CD164: variants seen among roughly 807,000 people sequenced by gnomAD.
CD164 encodes CD164 molecule.
Under a neutral mutation model 24.6 loss-of-function variants are expected in CD164, and 11 were observed. The ratio of observed to expected loss-of-function variants is 0.45; its 90% CI spans 0.28 to 0.74. CD164 has a LOEUF of 0.74. CD164 is among the 30% of genes least tolerant of loss of function. The pLI is 0.13. For missense variants in CD164, 295 were observed against 243.7 expected (o/e 1.21, Z -1.40); for synonymous variants, 126 against 100.3 (o/e 1.26, Z -1.53).
chr6:109,379,558 T>C (rs770355403), intron 2 of CD164, 21 bp downstream of exon 2: 6 of 1,549,370 alleles, frequency 3.9e-6, no homozygotes, highest in Non-Finnish European at 4.4e-6. Context: ...AAAACAGTTT[T>C]GCATCCCCAA....
chr6:109,376,037 C>G, intron 4 of CD164, 37 bp downstream of exon 4: 1 of 1,498,258 alleles, frequency 6.7e-7, no homozygotes. Context: ...CTTAAAAATA[C>G]TGAAGGAAAA....
At chr6:109,374,290 ATTCTAGGTATC>A (rs912173680) in intron 4 of CD164, among the ~76,000 whole-genome samples, 1 of 152,152 alleles carries the variant, frequency 6.6e-6, no homozygotes, top group Admixed American at 6.5e-5. Context: ...ACTTAAATGG[ATTCTAGGTATC>A]TTAAACTAAA....
chr6:109,381,686 G>A (rs955929325), intron 1 of CD164: 25 of 667,730 alleles, frequency 3.7e-5, no homozygotes, highest in Non-Finnish European at 6.5e-5. Flanking sequence ...TCAGACTCAA[G>A]TCTGAGACAC....
rs565623414 is a variant in CD164, at chr6:109,371,991, G to A, written c.371-1524C>T. On this transcript the variant is annotated intron_variant, in intron 4 of 5. Transcript: ENST00000310786. ...TTTTTGTACTATTTCAGAAAAAAGGGTTTGAAGGCTAAAGAGAATTTGGAA... is the reference window on the plus strand; with the variant it reads ...TTTTTGTACTATTTCAGAAAAAAGGATTTGAAGGCTAAAGAGAATTTGGAA... 33 of 152,274 alleles carry A rather than the reference G, an allele frequency of 2.2e-4. 1 individual carries two copies. Among genetic ancestry groups the A allele is most frequent in the Admixed American group, 2.0e-3 (31 of 15,284 alleles). The allele number at this position is 152,274 out of a possible 1,614,324, so 9.4% of individuals were successfully genotyped here. A position where few individuals can be genotyped will look rare whatever the true frequency, so the allele number is the denominator to read the frequency against.
chr6:109,369,049 T>TA, intron 5 of CD164, 32 bp from the exon 6 acceptor site: 1 of 1,584,648 alleles, frequency 6.3e-7, no homozygotes, highest in South Asian at 1.2e-5. Flanking sequence ...ACAACAATCC[T>TA]AAGTTTCATG....
intron 1 of CD164, 44 bp downstream of exon 1, chr6:109,382,160 G>A (rs2115176367): frequency 1.4e-6 from 2 of 1,437,498 alleles, no homozygotes; most frequent in East Asian, 2.9e-5. Context: ...AGTGCGGCTC[G>A]GCTGGGCAGG....
chr6:109,381,677 C>G, intron 1 of CD164: 1 of 679,618 alleles, frequency 1.5e-6, no homozygotes, highest in Non-Finnish European at 2.7e-6. Flanking sequence ...GCGACCTTCT[C>G]AGACTCAAGT....
At position 109,381,742 on chromosome 6, in the gene CD164, A is replaced by G. The variant is rs1009562477; in HGVS notation, c.175+462T>C. ...AAGTTTCTCTTTCCCGGACTTCCGG[A>G]GAAGGCTACCTCCGGAGAGAGGCGC... On this transcript the variant is annotated intron_variant, in intron 1 of 5. Transcript: ENST00000310786. The G allele has an allele frequency of 8.8e-5, 52 of 589,980 alleles. No homozygotes were observed. In the Admixed American group the frequency reaches 1.4e-3, roughly 16 times the overall value. The allele number at this position is 589,980 out of a possible 1,614,324, so 36.5% of individuals were successfully genotyped here.
At chr6:109,379,277 T>C (rs371179166) in intron 2 of CD164, among the ~76,000 whole-genome samples, 3 of 152,202 alleles carry the variant, frequency 2.0e-5, no homozygotes, top group Admixed American at 6.5e-5. Context: ...GAGGCCAAGG[T>C]TGGAGGATTG....
chr6:109,370,415 T>C lies in CD164; in HGVS notation c.423A>G (p.Thr141=), dbSNP rs1179169897. 3.7e-6 allele frequency: 6 copies of C among 1,611,434 alleles called. No individual in the cohort carries two copies. The African/African-American group carries it at 4.0e-5, about 11-fold the overall frequency. Residue 141 remains threonine (T), a synonymous_variant, in exon 5 of 6, where the codon ACA becomes ACG. Coordinates refer to ENST00000310786, the MANE Select transcript of CD164 (RefSeq NM_006016.6). ...SPSTTSKTVT[T]SGTTNNTVTP... ...AATCTAAAAAGCCTCAATTACCTGA[T>C]GTAGTAACTGTCTTGGAAGTTGTAG...
intron 2 of CD164, among the ~76,000 whole-genome samples, chr6:109,378,948 TAA>T (rs1771579507): frequency 6.6e-6 from 1 of 152,032 alleles, no homozygotes; most frequent in Non-Finnish European, 1.5e-5. Context: ...CACTTTACAT[TAA>T]AAAACAATTA....
Position 109,368,501 on chromosome 6 carries a change from T to C in CD164, c.*350A>G. 2 of 1,359,236 alleles carry C rather than the reference T, an allele frequency of 1.5e-6. No homozygotes were observed. Among genetic ancestry groups the C allele is most frequent in the East Asian group, 2.8e-5 (1 of 35,436 alleles). 84.2% of individuals were successfully genotyped at this position (1,359,236 alleles called of 1,614,324 possible). On this transcript the variant is annotated 3_prime_UTR_variant, in exon 6 of 6. Coordinates refer to ENST00000310786, the MANE Select transcript of CD164 (RefSeq NM_006016.6). The stretch of plus-strand genomic sequence containing the variant: ...TGTTCACTAAATTAAAATTACTAAA[T>C]TTAAACTGCCAAGAGCCATGATGTT...
intron 4 of CD164, among the ~76,000 whole-genome samples, chr6:109,375,613 C>T (rs1771349046): frequency 3.1e-5 from 2 of 65,154 alleles, no homozygotes; most frequent in African/African-American, 1.5e-4. Flanking sequence ...CAAGACTTCG[C>T]TTCCAAAAAA....
chr6:109,380,840 TA>T (rs1349846640), intron 1 of CD164, among the ~76,000 whole-genome samples: 1 of 152,210 alleles, frequency 6.6e-6, no homozygotes, highest in Non-Finnish European at 1.5e-5. Context: ...ACTGTCAAAT[TA>T]AGACTGAGAC....
In CD164 at chr6:109,370,395, A is replaced by C. The variant is rs371819591; in HGVS notation, c.427+16T>G. On this transcript the variant is annotated intron_variant, in intron 5 of 5. Transcript: ENST00000310786. The stretch of plus-strand genomic sequence containing the variant: ...ACACATCCTGCATCATTGCTAATCT[A>C]AAAAGCCTCAATTACCTGATGTAGT... 2 of 1,599,214 alleles carry C rather than the reference A, an allele frequency of 1.3e-6. No homozygotes were observed. Among genetic ancestry groups the C allele is most frequent in the Non-Finnish European group, 1.7e-6 (2 of 1,166,750 alleles).
intron 1 of CD164, chr6:109,381,749 T>A: frequency 3.4e-6 from 2 of 586,516 alleles, no homozygotes; most frequent in Non-Finnish European, 6.1e-6. Flanking sequence ...CGGAGAAGGC[T>A]ACCTCCGGAG....
At chr6:109,379,509 C>T (rs965655989) in intron 2 of CD164, 70 bp downstream of exon 2, 1 of 1,128,882 alleles carries the variant, frequency 8.9e-7, no homozygotes, top group African/African-American at 1.6e-5. Flanking sequence ...ACATAACTTT[C>T]AAGTGTTCAA....
At chr6:109,376,772 C>G (rs2115162134) in intron 3 of CD164, among the ~76,000 whole-genome samples, 1 of 152,312 alleles carries the variant, frequency 6.6e-6, no homozygotes, top group East Asian at 1.9e-4. Context: ...TTAATCTTGT[C>G]TCTAAGCAAT....
At chr6:109,377,150 G>C (rs548928888) in intron 3 of CD164, among the ~76,000 whole-genome samples, 2 of 152,262 alleles carry the variant, frequency 1.3e-5, no homozygotes, top group African/African-American at 4.8e-5. Context: ...GTTTGTTCGT[G>C]TACCACCTAA....
Sources: gnomAD v4.1 joint callset for allele counts (sites outside exome capture counted in the v4.1 genomes callset) on GRCh38, gnomAD v4.1.1 for gene constraint, MANE v1.5 for transcripts, NCBI Gene and HGNC (gene_info 2026-07-23, HGNC 2026-07-21) for gene names.